TMEM87A: variants seen among roughly 807,000 people sequenced by gnomAD.
TMEM87A encodes the protein transmembrane protein 87A.
In TMEM87A, 50 loss-of-function variants were observed where a neutral mutation model predicts 90.0. The observed-to-expected ratio is 0.56, with a 90% CI of 0.44 to 0.70. The LOEUF is 0.70. TMEM87A is among the 30% of genes least tolerant of loss of function. The pLI is 0.00. For missense variants in TMEM87A, 577 were observed against 660.5 expected (o/e 0.87, Z 1.39); for synonymous variants, 226 against 226.7 (o/e 1.00, Z 0.03).
intron 19 of TMEM87A, among the ~76,000 whole-genome samples, chr15:42,212,358 TCA>T (rs1289084435): frequency 6.6e-6 from 1 of 152,220 alleles, no homozygotes; most frequent in Non-Finnish European, 1.5e-5. Flanking sequence ...GAAGTACCTC[TCA>T]CTATTGTATC....
At chr15:42,233,765 A>G (rs1347232875) in intron 10 of TMEM87A, among the ~76,000 whole-genome samples, 1 of 152,020 alleles carries the variant, frequency 6.6e-6, no homozygotes, top group Non-Finnish European at 1.5e-5. Flanking sequence ...TTCAATGGCT[A>G]CAAAAGGGCC....
chr15:42,227,294 C>G (rs1037342801), intron 14 of TMEM87A, among the ~76,000 whole-genome samples: 2 of 152,110 alleles, frequency 1.3e-5, no homozygotes, highest in Non-Finnish European at 2.9e-5. Flanking sequence ...AAAATAAGAG[C>G]CTTAGCTGCT....
intron 3 of TMEM87A, among the ~76,000 whole-genome samples, chr15:42,265,464 G>C (rs2051383965): frequency 6.6e-6 from 1 of 151,554 alleles, no homozygotes; most frequent in Admixed American, 6.6e-5. Flanking sequence ...CAACGATACT[G>C]AGCTTTTTTT....
At chr15:42,264,589 A>C (rs1371708491) in intron 3 of TMEM87A, among the ~76,000 whole-genome samples, 3 of 151,718 alleles carry the variant, frequency 2.0e-5, no homozygotes, top group Non-Finnish European at 4.4e-5. Flanking sequence ...GCAAGCACAG[A>C]ACTAGGATAA....
intron 6 of TMEM87A, among the ~76,000 whole-genome samples, chr15:42,253,732 G>C (rs2051127046): frequency 6.6e-6 from 1 of 152,120 alleles, no homozygotes; most frequent in African/African-American, 2.4e-5. Flanking sequence ...TTCTTTCTTT[G>C]TTGAACTTTT....
At chr15:42,239,875 A>T (rs1382602727) in intron 7 of TMEM87A, 144 bp from the exon 8 acceptor site, 2 of 722,754 alleles carry the variant, frequency 2.8e-6, no homozygotes, top group African/African-American at 1.7e-5. Context: ...ATATTACATT[A>T]TATTTGTACA....
upstream of TMEM87A, chr15:42,273,518 T>G (rs2051609035): frequency 1.7e-5 from 26 of 1,491,114 alleles, no homozygotes; most frequent in Non-Finnish European, 2.3e-5. Flanking sequence ...CGGAGCTTGT[T>G]TGCTGTGCGG....
Position 42,236,437 on chromosome 15 carries a change from A to G in TMEM87A, c.869-18T>C, listed in dbSNP as rs1311966028. The G allele has an allele frequency of 6.2e-7, 1 of 1,610,254 alleles. No individual in the cohort carries two copies. The highest frequency in any genetic ancestry group is 1.7e-5 in the Admixed American group (1 of 59,978). ...ACCCTGGACTATGAAAAAGAAGGGA[A>G]GAAATGGCACCATAATCTAGGTTTG... On this transcript the variant is annotated intron_variant, in intron 9 of 19. Coordinates refer to ENST00000389834, the MANE Select transcript of TMEM87A (RefSeq NM_015497.5).
chr15:42,231,225 G>C lies in TMEM87A; in HGVS notation c.1098C>G (p.Pro366=), dbSNP rs1040735613. 1 of 1,593,510 alleles carries C rather than the reference G, an allele frequency of 6.3e-7. No individual in the cohort carries two copies. Among genetic ancestry groups the C allele is most frequent in the African/African-American group, 1.4e-5 (1 of 73,440 alleles). ...ACAAGGCAGTGTCTAGGAAAGCCAA[G>C]GGGATAAAGGCCAAGGAAGCAAGAT... is the stretch of plus-strand genomic sequence containing the variant. ...QTDLASLAFI[P]LAFLDTALCW... The change falls in exon 12 of 20, where the codon CCC becomes CCG. Residue 366 remains proline, a synonymous_variant. Coordinates refer to ENST00000389834, the MANE Select transcript of TMEM87A (RefSeq NM_015497.5).
chr15:42,218,670 T>C (rs1260732706), intron 17 of TMEM87A, among the ~76,000 whole-genome samples: 2 of 152,224 alleles, frequency 1.3e-5, no homozygotes, highest in East Asian at 3.8e-4. Flanking sequence ...GTATTTGTCT[T>C]TCTGTGCCTG....
At chr15:42,227,197 T>TTAAGAGAAAGTTACCTTATACAGTG (rs2050610847) in intron 14 of TMEM87A, among the ~76,000 whole-genome samples, 1 of 152,144 alleles carries the variant, frequency 6.6e-6, no homozygotes, top group Non-Finnish European at 1.5e-5. Context: ...TTATACAGGG[T>TTAAGAGAAAGTTACCTTATACAGTG]TAAGAGAAAG....
Sources: gnomAD v4.1 joint callset for allele counts (sites outside exome capture counted in the v4.1 genomes callset) on GRCh38, gnomAD v4.1.1 for gene constraint, MANE v1.5 for transcripts, NCBI Gene and HGNC (gene_info 2026-07-23, HGNC 2026-07-21) for gene names.